Variants in PDE4B observed in about 807,000 individuals in gnomAD.
The protein encoded by PDE4B is 3',5'-cyclic-AMP phosphodiesterase 4B.
Under a neutral mutation model 82.2 loss-of-function variants are expected in PDE4B, and 20 were observed. The observed-to-expected ratio is 0.24, with a 90% CI of 0.17 to 0.35. The LOEUF (loss-of-function observed/expected upper bound fraction) is 0.35. Ranked by LOEUF, PDE4B falls within the 10% of genes least tolerant of loss-of-function variation. The pLI, the probability that PDE4B is intolerant of heterozygous loss-of-function variation, is 1.00. For synonymous variants in PDE4B, 320 were observed against 318.9 expected (o/e 1.00, Z -0.04); for missense variants, 655 against 907.2 (o/e 0.72, Z 3.57).
intron 1 of PDE4B, among the ~76,000 whole-genome samples, chr1:65,796,116 C>T (rs1645629237): frequency 2.0e-5 from 3 of 152,156 alleles, no homozygotes; most frequent in Admixed American, 6.5e-5. Flanking sequence ...ATACACAATG[C>T]GTCATTTCTC....
chr1:65,880,208 T>C (rs1201262486), intron 1 of PDE4B, among the ~76,000 whole-genome samples: 1 of 152,194 alleles, frequency 6.6e-6, no homozygotes, highest in Non-Finnish European at 1.5e-5. Context: ...TGATGCTGGG[T>C]ACTCTGAACA....
chr1:66,229,415 C>T (rs1349207222), intron 3 of PDE4B, among the ~76,000 whole-genome samples: 1 of 152,182 alleles, frequency 6.6e-6, no homozygotes, highest in Non-Finnish European at 1.5e-5. Context: ...TTAAGGCAGC[C>T]ACTTCAGTGT....
chr1:65,942,017 A>C (rs12088813), intron 3 of PDE4B, among the ~76,000 whole-genome samples: 33,300 of 152,028 alleles, frequency 0.22, 4,252 homozygotes, highest in East Asian at 0.4. Flanking sequence ...TTCAAAGTCA[A>C]ATTACATCAT....
rs1019543082 is a variant in PDE4B at position 65,946,136 on chromosome 1, T to C, written c.281+27301T>C. Among the ~76,000 whole-genome samples the C allele has an allele frequency of 2.6e-5, 4 of 152,122 alleles. No individual in the cohort carries two copies. The East Asian group carries it at 7.8e-4, about 30-fold the overall frequency. On this transcript the variant is annotated intron_variant, in intron 3 of 16. Coordinates refer to ENST00000341517, the MANE Select transcript of PDE4B (RefSeq NM_002600.4). ...CAGGTCACAGGAAACCCTTCATGAA[T>C]TCATAGGTGTGAAATAGGGGAGAAG...
intron 3 of PDE4B, among the ~76,000 whole-genome samples, chr1:66,137,846 C>G (rs1293193777): frequency 6.6e-6 from 1 of 152,298 alleles, no homozygotes; most frequent in African/African-American, 2.4e-5. Context: ...CTAATATCTT[C>G]TAGTCACTGT....
intron 3 of PDE4B, among the ~76,000 whole-genome samples, chr1:65,973,283 G>C (rs1650237850): frequency 1.3e-5 from 2 of 151,646 alleles, no homozygotes; most frequent in Admixed American, 6.6e-5. Context: ...TGTTTATATT[G>C]ATATATAAAA....
chr1:66,155,202 T>G (rs973966537), intron 3 of PDE4B, among the ~76,000 whole-genome samples: 1 of 151,926 alleles, frequency 6.6e-6, no homozygotes, highest in Non-Finnish European at 1.5e-5. Context: ...TGGAGTCAGC[T>G]ATTTTCTGTT....
At chr1:66,297,485 A>C (rs1485847201) in intron 7 of PDE4B, among the ~76,000 whole-genome samples, 4 of 152,190 alleles carry the variant, frequency 2.6e-5, no homozygotes, top group African/African-American at 9.6e-5. Context: ...AGCCAGGCCA[A>C]ATAAAAGGAT....
intron 3 of PDE4B, among the ~76,000 whole-genome samples, chr1:65,948,438 T>A (rs771746761): frequency 1.3e-5 from 2 of 151,456 alleles, no homozygotes; most frequent in Admixed American, 1.3e-4. Context: ...GAACTTGGAG[T>A]CTGATGTTCA....
intron 1 of PDE4B, among the ~76,000 whole-genome samples, chr1:65,860,996 T>C (rs1158319822): frequency 6.6e-6 from 1 of 152,216 alleles, no homozygotes; most frequent in Admixed American, 6.5e-5. Context: ...ATTCTGTAGG[T>C]TGCCTGTTCA....
At chr1:66,043,373 G>A (rs932353232) in intron 3 of PDE4B, among the ~76,000 whole-genome samples, 7 of 151,736 alleles carry the variant, frequency 4.6e-5, no homozygotes, top group Admixed American at 6.6e-5. Context: ...CCAAGTAAAT[G>A]GAAAATTTCC....
At chr1:66,186,671 G>GTACA in intron 3 of PDE4B, among the ~76,000 whole-genome samples, 2 of 152,090 alleles carry the variant, frequency 1.3e-5, no homozygotes, top group African/African-American at 2.4e-5. Flanking sequence ...TGTGATTTTT[G>GTACA]CTCATCGATT....
In PDE4B at chr1:65,885,077, G is replaced by A. The variant is rs374264018; in HGVS notation, c.-70-28168G>A. 3.6e-4 allele frequency among the ~76,000 whole-genome samples: 55 copies of A among 152,198 alleles called. 1 individual carries two copies. The highest frequency in any genetic ancestry group is 1.2e-3 in the African/African-American group (49 of 41,542). On this transcript the variant is annotated intron_variant, in intron 1 of 16. Transcript: ENST00000341517. Reference sequence around the variant, plus strand: ...AGATGAACAGACACTTCTCAAAAGAGGACATTTATGCAGCCAACAGACACA... The same window carrying A: ...AGATGAACAGACACTTCTCAAAAGAAGACATTTATGCAGCCAACAGACACA...
At chr1:65,834,575 T>G (rs572262579) in intron 1 of PDE4B, among the ~76,000 whole-genome samples, 1 of 152,230 alleles carries the variant, frequency 6.6e-6, no homozygotes, top group Non-Finnish European at 1.5e-5. Flanking sequence ...TGCCACAGAC[T>G]GTTCTAGAGA....
chr1:65,988,997 A>G (rs1221669217), intron 3 of PDE4B, among the ~76,000 whole-genome samples: 2 of 152,148 alleles, frequency 1.3e-5, no homozygotes, highest in Non-Finnish European at 2.9e-5. Flanking sequence ...ATAAATTTAT[A>G]ATATTTTTGG....
intron 1 of PDE4B, among the ~76,000 whole-genome samples, chr1:65,888,448 A>G (rs1413351440): frequency 2.0e-5 from 3 of 152,106 alleles, no homozygotes; most frequent in African/African-American, 7.2e-5. Context: ...TTGTTAACAC[A>G]TGAATTTTAG....
At chr1:66,288,545 C>A (rs1321952759) in intron 7 of PDE4B, among the ~76,000 whole-genome samples, 1 of 152,024 alleles carries the variant, frequency 6.6e-6, no homozygotes, top group South Asian at 2.1e-4. Flanking sequence ...CTACAAATGA[C>A]GCTGAATAAA....
At chr1:65,835,557 C>T (rs543371278) in intron 1 of PDE4B, among the ~76,000 whole-genome samples, 4 of 152,314 alleles carry the variant, frequency 2.6e-5, no homozygotes, top group Admixed American at 2.6e-4. Context: ...ATCCAACCAT[C>T]TTGAGTAGGT....
intron 7 of PDE4B, among the ~76,000 whole-genome samples, chr1:66,287,567 C>T (rs1656767572): frequency 6.6e-6 from 1 of 152,170 alleles, no homozygotes; most frequent in Non-Finnish European, 1.5e-5. Flanking sequence ...AGGAGGAAGA[C>T]TCCAGACTTT....
Sources: gnomAD v4.1 joint callset for allele counts (sites outside exome capture counted in the v4.1 genomes callset) on GRCh38, gnomAD v4.1.1 for gene constraint, MANE v1.5 for transcripts, NCBI Gene and HGNC (gene_info 2026-07-23, HGNC 2026-07-21) for gene names.